CYP20A1: variants seen among roughly 807,000 people sequenced by gnomAD.
CYP20A1 encodes the protein cytochrome P450 family 20 subfamily A member 1.
A neutral mutation model predicts 61.4 loss-of-function variants in CYP20A1; 61 were observed. The observed-to-expected ratio is 0.99, with a 90% confidence interval of 0.81 to 1.23. The LOEUF (loss-of-function observed/expected upper bound fraction) is 1.23. Ranked by LOEUF, CYP20A1 falls within the 50% of genes most tolerant of loss-of-function variation. The pLI is 0.00. For synonymous variants in CYP20A1, 193 were observed against 188.2 expected, an observed-to-expected ratio of 1.03 and a Z score of -0.21; for missense variants, 530 against 542.4, an observed-to-expected ratio of 0.98 and a Z score of 0.23.
intron 3 of CYP20A1, among the ~76,000 whole-genome samples, chr2:203,248,545 A>G (rs540132975): frequency 6.6e-6 from 1 of 152,096 alleles, no homozygotes; most frequent in South Asian, 2.1e-4. Flanking sequence ...AAAAAAAAAG[A>G]CTCTCATACT....
chr2:203,296,500 A>T lies in CYP20A1; in HGVS notation c.1175A>T (p.Glu392Val). The change falls in exon 12 of 13, where the codon GAA becomes GTA. Residue 392 changes from glutamate to valine, a missense_variant. Physicochemically the swap from Glu to Val is moderately radical, Grantham distance 121. Coordinates refer to ENST00000356079, the MANE Select transcript of CYP20A1 (RefSeq NM_177538.3). Reference protein sequence around the residue: ...HKFDPDRFDDELVMKTFSSLG... With the variant: ...HKFDPDRFDDVLVMKTFSSLG... ...TTTGATCCAGATCGGTTTGATGATG[A>T]ATTAGTAATGAAAACTTTTTCCTCA... is the stretch of plus-strand genomic sequence containing the variant. The T allele has an allele frequency of 6.2e-7, 1 of 1,612,484 alleles. No individual in the cohort carries two copies. The highest frequency in any genetic ancestry group is 1.7e-4 in the Middle Eastern group (1 of 6,052).
chr2:203,270,310 GT>G (rs113686137), intron 5 of CYP20A1, among the ~76,000 whole-genome samples: 3 of 151,040 alleles, frequency 2.0e-5, no homozygotes, highest in Non-Finnish European at 4.4e-5. Flanking sequence ...AAACACTTGG[GT>G]TTTTTTTTAT....
At position 203,243,410 on chromosome 2, in the gene CYP20A1, A is replaced by T. The variant is rs556768236; in HGVS notation, c.73-2436A>T. On this transcript the variant is annotated intron_variant, in intron 1 of 12. Transcript: ENST00000356079. Reference sequence around the variant, plus strand: ...ACTCTCGCCTCTTTCTTTTTTTTTTAGACAGAGTCTCGCTCTGTCTCCCAG... The same window carrying T: ...ACTCTCGCCTCTTTCTTTTTTTTTTTGACAGAGTCTCGCTCTGTCTCCCAG... Among the ~76,000 whole-genome samples, 70 of 149,452 alleles carry T rather than the reference A, an allele frequency of 4.7e-4. 1 individual carries two copies. Among genetic ancestry groups the T allele is most frequent in the Middle Eastern group, 3.4e-3 (1 of 290 alleles).
Position 203,301,105 on chromosome 2 carries a change from A to G in CYP20A1, c.*4197A>G, listed in dbSNP as rs2069002507. ...CAGCTACTGGGGAGGCTGAAACAGG[A>G]GAATCGCTTGAACCCAGTAGGGGAA... On this transcript the variant is annotated 3_prime_UTR_variant, in exon 13 of 13. Transcript: ENST00000356079. 6.6e-6 allele frequency among the ~76,000 whole-genome samples: 1 copy of G among 150,488 alleles called. No homozygotes were observed. Among genetic ancestry groups the G allele is most frequent in the Non-Finnish European group, 1.5e-5 (1 of 67,734 alleles).
intron 1 of CYP20A1, among the ~76,000 whole-genome samples, chr2:203,242,643 A>G (rs1402153114): frequency 6.6e-6 from 1 of 151,930 alleles, no homozygotes; most frequent in Non-Finnish European, 1.5e-5. Flanking sequence ...AATAAATAAG[A>G]CATGGTGGTG....
chr2:203,271,528 T>G (rs969843921), intron 5 of CYP20A1, among the ~76,000 whole-genome samples: 1 of 152,182 alleles, frequency 6.6e-6, no homozygotes, highest in African/African-American at 2.4e-5. Flanking sequence ...CCCTAAATTC[T>G]TTTTAGAACT....
chr2:203,285,587 G>C, intron 8 of CYP20A1, 25 bp from the exon 9 acceptor site: 1 of 1,520,156 alleles, frequency 6.6e-7, no homozygotes, highest in Admixed American at 2.4e-5. Flanking sequence ...TATTTTCATT[G>C]TTATTCATAT....
intron 4 of CYP20A1, 32 bp from the exon 5 acceptor site, chr2:203,266,482 A>C (rs773178827): frequency 1.1e-5 from 17 of 1,587,958 alleles, no homozygotes; most frequent in Non-Finnish European, 1.5e-5. Context: ...AAGAAGAAAC[A>C]GTAATCATTG....
At chr2:203,289,704 T>C (rs967076902) in intron 9 of CYP20A1, 61 bp from the exon 10 acceptor site, 1 of 829,306 alleles carries the variant, frequency 1.2e-6, no homozygotes, top group Admixed American at 2.4e-5. Context: ...TTTTTAAATG[T>C]ATGTACATTT....
intron 1 of CYP20A1, among the ~76,000 whole-genome samples, chr2:203,240,004 G>A (rs1445799302): frequency 1.3e-5 from 2 of 152,172 alleles, no homozygotes. Flanking sequence ...GCTGAGGCAG[G>A]AGAATCGCTT....
chr2:203,298,558 A>G lies in CYP20A1; in HGVS notation c.*1650A>G, dbSNP rs1454878209. ...CAAAAAAAAAAAAAAAAAATTAGCC[A>G]GATGTGGTGGTGCACATTTGTAATC... On this transcript the variant is annotated 3_prime_UTR_variant, in exon 13 of 13. Coordinates refer to ENST00000356079, the MANE Select transcript of CYP20A1 (RefSeq NM_177538.3). Among the ~76,000 whole-genome samples the G allele has an allele frequency of 6.9e-6, 1 of 144,296 alleles. No homozygotes were observed. Among genetic ancestry groups the G allele is most frequent in the Non-Finnish European group, 1.5e-5 (1 of 66,210 alleles). 94.7% of individuals were successfully genotyped at this position (144,296 alleles called of 152,430 possible).
At position 203,299,830 on chromosome 2, in the gene CYP20A1, C is replaced by T. The variant is rs146243296; in HGVS notation, c.*2922C>T. Among the ~76,000 whole-genome samples, 2,492 of 151,820 alleles carry T rather than the reference C, an allele frequency of 0.016. 61 individuals carry two copies. Among genetic ancestry groups the T allele is most frequent in the African/African-American group, 0.056 (2,327 of 41,404 alleles). On this transcript the variant is annotated 3_prime_UTR_variant, in exon 13 of 13. Coordinates refer to ENST00000356079, the MANE Select transcript of CYP20A1 (RefSeq NM_177538.3). ...CAGAGGTTGCGGTGAGCCAAGATCG[C>T]GCCATTGCACTCCAGCCTGGGCAAC...
chr2:203,264,449 CT>C (rs1298050806), intron 4 of CYP20A1, among the ~76,000 whole-genome samples: 3 of 152,076 alleles, frequency 2.0e-5, no homozygotes, highest in Non-Finnish European at 4.4e-5. Context: ...CTGATATTAA[CT>C]CCACTAGCTT....
intron 3 of CYP20A1, among the ~76,000 whole-genome samples, chr2:203,250,596 A>G (rs1344222049): frequency 6.6e-6 from 1 of 152,232 alleles, no homozygotes; most frequent in Non-Finnish European, 1.5e-5. Flanking sequence ...TATAATGAGG[A>G]AAACCAGAAT....
chr2:203,264,322 G>A (rs532928029), intron 4 of CYP20A1, among the ~76,000 whole-genome samples: 1 of 152,074 alleles, frequency 6.6e-6, no homozygotes, highest in East Asian at 1.9e-4. Context: ...TGGAAGTTAG[G>A]ACATTGAATG....
intron 4 of CYP20A1, among the ~76,000 whole-genome samples, chr2:203,260,597 C>T: frequency 6.6e-6 from 1 of 152,208 alleles, no homozygotes; most frequent in Non-Finnish European, 1.5e-5. Context: ...TACCTTAATA[C>T]ACCTTCCTGC....
intron 4 of CYP20A1, among the ~76,000 whole-genome samples, chr2:203,263,307 T>A (rs1183114108): frequency 2.0e-5 from 3 of 148,206 alleles, no homozygotes; most frequent in East Asian, 2.0e-4. Context: ...TTTTTTAAAT[T>A]TTAGGCGGAG....
At chr2:203,283,013 AT>A (rs1337522851) in intron 8 of CYP20A1, among the ~76,000 whole-genome samples, 1 of 152,028 alleles carries the variant, frequency 6.6e-6, no homozygotes, top group Non-Finnish European at 1.5e-5. Flanking sequence ...TACAAAAAAA[AT>A]AATAAATTGT....
intron 9 of CYP20A1, among the ~76,000 whole-genome samples, chr2:203,287,700 C>G (rs1013559842): frequency 2.1e-5 from 2 of 94,814 alleles, no homozygotes; most frequent in African/African-American, 6.8e-5. Flanking sequence ...AAGAACCTAT[C>G]TCTTAAAAAT....
Sources: gnomAD v4.1 joint callset for allele counts (sites outside exome capture counted in the v4.1 genomes callset) on GRCh38, gnomAD v4.1.1 for gene constraint, MANE v1.5 for transcripts, NCBI Gene and HGNC (gene_info 2026-07-23, HGNC 2026-07-21) for gene names.